Variants in SLC2A12 observed in about 807,000 individuals in gnomAD.
The protein encoded by SLC2A12 is solute carrier family 2, facilitated glucose transporter member 12.
In SLC2A12, 23 loss-of-function variants were observed where a neutral mutation model predicts 41.8. The observed-to-expected ratio is 0.55, with a 90% CI of 0.40 to 0.78. The LOEUF (loss-of-function observed/expected upper bound fraction) is 0.78, where lower values mean the gene tolerates loss of function less well. Among genes scored for constraint, SLC2A12 ranks in the 30% least tolerant of loss-of-function variants. The pLI, the probability that SLC2A12 is intolerant of heterozygous loss-of-function variation, is 0.00. For missense variants in SLC2A12, 654 were observed against 745.6 expected, an observed-to-expected ratio of 0.88 and a Z score of 1.43; for synonymous variants, 295 against 285.9, an observed-to-expected ratio of 1.03 and a Z score of -0.32.
intron 1 of SLC2A12, among the ~76,000 whole-genome samples, chr6:134,036,164 G>A (rs1424688226): frequency 6.6e-6 from 1 of 152,174 alleles, no homozygotes; most frequent in Non-Finnish European, 1.5e-5. Flanking sequence ...CACACAGGTG[G>A]TTTCTTTTTT....
chr6:134,038,654 C>T (rs1777338413), intron 1 of SLC2A12, among the ~76,000 whole-genome samples: 1 of 149,222 alleles, frequency 6.7e-6, no homozygotes, highest in Non-Finnish European at 1.5e-5. Flanking sequence ...AGCCACCGCA[C>T]CTGGCTTCTT....
rs560559673 is a variant in SLC2A12, at chr6:134,024,004, A to G, written c.1444+4377T>C. Among the ~76,000 whole-genome samples, 13 of 152,334 alleles carry G rather than the reference A, an allele frequency of 8.5e-5. No individual in the cohort carries two copies. The South Asian group carries it at 1.0e-3, about 12-fold the overall frequency. Reference sequence around the variant, plus strand: ...TGATTTGGAAGGCCAAAGTGACCCTACAGTGCTGTGCTTGAGGCATTGGTG... The same window carrying G: ...TGATTTGGAAGGCCAAAGTGACCCTGCAGTGCTGTGCTTGAGGCATTGGTG... On this transcript the variant is annotated intron_variant, in intron 2 of 4. Transcript: ENST00000275230.
chr6:134,020,720 T>C (rs1777029326), intron 2 of SLC2A12, among the ~76,000 whole-genome samples: 1 of 152,210 alleles, frequency 6.6e-6, no homozygotes, highest in Non-Finnish European at 1.5e-5. Context: ...GATTCCTGCC[T>C]CTGACAGCAT....
chr6:134,029,863 C>T (rs569303009), intron 1 of SLC2A12, 142 bp from the exon 2 acceptor site: 2 of 1,086,684 alleles, frequency 1.8e-6, no homozygotes, highest in East Asian at 2.6e-5. Context: ...AAATAATACA[C>T]TAACCAAAAA....
At chr6:134,019,670 G>C (rs533671813) in intron 2 of SLC2A12, among the ~76,000 whole-genome samples, 1 of 152,110 alleles carries the variant, frequency 6.6e-6, no homozygotes, top group African/African-American at 2.4e-5. Flanking sequence ...GAACCTCTTC[G>C]GTAGGCTGGT....
chr6:133,988,775 G>A lies in SLC2A12; in HGVS notation c.*2380C>T, dbSNP rs1390331954. The A allele has an allele frequency of 4.0e-5, 6 of 151,574 alleles. No individual in the cohort carries two copies. The highest frequency in any genetic ancestry group is 1.5e-4 in the African/African-American group (6 of 41,212). The allele number at this position is 151,574 out of a possible 1,614,324, so 9.4% of individuals were successfully genotyped here. A position where few individuals can be genotyped will look rare whatever the true frequency, so the allele number is the denominator to read the frequency against. ...TTTCCTTTATTTTAAGATTCAGTAG[G>A]ATAGCCAAATTCATAGAGAATAAAA... On this transcript the variant is annotated 3_prime_UTR_variant, in exon 5 of 5. Transcript: ENST00000275230.
intron 1 of SLC2A12, among the ~76,000 whole-genome samples, chr6:134,030,396 A>G (rs1777187076): frequency 6.6e-6 from 1 of 152,166 alleles, no homozygotes; most frequent in East Asian, 1.9e-4. Context: ...AGTGTAAGGA[A>G]CCAGCAATAT....
At chr6:133,993,733 T>G (rs1182832106) in intron 4 of SLC2A12, among the ~76,000 whole-genome samples, 1 of 152,056 alleles carries the variant, frequency 6.6e-6, no homozygotes, top group African/African-American at 2.4e-5. Flanking sequence ...GAAAAGTCTG[T>G]TGGAGGTGAA....
chr6:134,002,058 T>C lies in SLC2A12; in HGVS notation c.1639A>G (p.Met547Val), dbSNP rs756725448. 1.2e-6 allele frequency: 2 copies of C among 1,603,402 alleles called. No homozygotes were observed. Among genetic ancestry groups the C allele is most frequent in the East Asian group, 2.3e-5 (1 of 44,320 alleles). Reference protein sequence around the residue: ...MSLASLLFVVMFIPETKGCSL... With the variant: ...MSLASLLFVVVFIPETKGCSL... Reference sequence around the variant, plus strand: ...CATCCCTTTGTCTCAGGTATAAACATAACAACAAAAAGCAGGGATGCTAGA... The same window carrying C: ...CATCCCTTTGTCTCAGGTATAAACACAACAACAAAAAGCAGGGATGCTAGA... The change falls in exon 4 of 5, where the codon ATG becomes GTG. Residue 547 changes from methionine to valine, a missense_variant. By Grantham distance (21) the Met-to-Val change is conservative. Around this residue, in one of 3 missense-constraint regions of SLC2A12, gnomAD observed 134 missense variants for 180.5 expected, o/e 0.74. Transcript: ENST00000275230.
At chr6:134,034,537 A>G (rs1777266181) in intron 1 of SLC2A12, among the ~76,000 whole-genome samples, 1 of 152,166 alleles carries the variant, frequency 6.6e-6, no homozygotes, top group Admixed American at 6.5e-5. Flanking sequence ...TTACAAAGAG[A>G]GGCATAAGGA....
At chr6:134,015,946 T>G (rs369376685) in intron 2 of SLC2A12, among the ~76,000 whole-genome samples, 15 of 152,234 alleles carry the variant, frequency 9.9e-5, no homozygotes, top group African/African-American at 3.1e-4. Context: ...TTCAGCTCCA[T>G]AAAACCAAAC....
Position 134,006,850 on chromosome 6 carries a change from A to G in SLC2A12, c.1529T>C (p.Ile510Thr). The G allele has an allele frequency of 1.2e-6, 2 of 1,614,178 alleles. No individual in the cohort carries two copies. The highest frequency in any genetic ancestry group is 1.7e-6 in the Non-Finnish European group (2 of 1,180,022). The change falls in exon 3 of 5, where the codon ATC becomes ACC. Residue 510 changes from isoleucine (I) to threonine (T), a missense_variant. Ile to Thr is a moderately conservative substitution (Grantham distance 89). This residue lies in a region of SLC2A12 where 134 missense variants were observed against 180.5 expected (regional missense o/e 0.74). Transcript: ENST00000275230. ...AAATGTCAGCGAGATGAGGAGATTG[A>G]TGCCCCAGTTCATGCTAGAAGTTAA... ...MALTSSMNWGINLLISLTFLT... is the reference protein window; with the variant it reads ...MALTSSMNWGTNLLISLTFLT...
chr6:134,041,233 A>G (rs1777377239), intron 1 of SLC2A12, among the ~76,000 whole-genome samples: 1 of 152,170 alleles, frequency 6.6e-6, no homozygotes, highest in Non-Finnish European at 1.5e-5. Context: ...TCTTAACACT[A>G]GTTTCATATT....
chr6:134,042,547 G>GAAA (rs563614759), intron 1 of SLC2A12, among the ~76,000 whole-genome samples: 6 of 135,364 alleles, frequency 4.4e-5, no homozygotes, highest in African/African-American at 1.3e-4. Context: ...CCCAGAAATA[G>GAAA]AAAAAAAAAA....
chr6:134,010,313 C>G (rs775847026), intron 2 of SLC2A12, among the ~76,000 whole-genome samples: 4 of 152,192 alleles, frequency 2.6e-5, no homozygotes, highest in African/African-American at 9.7e-5. Flanking sequence ...AGTAGTGGCT[C>G]TCTCTGGGAA....
At chr6:134,000,577 C>A (rs893912451) in intron 4 of SLC2A12, among the ~76,000 whole-genome samples, 1 of 152,084 alleles carries the variant, frequency 6.6e-6, no homozygotes, top group African/African-American at 2.4e-5. Context: ...ATATTAAAAC[C>A]CAACAATAAG....
intron 4 of SLC2A12, among the ~76,000 whole-genome samples, chr6:134,000,907 T>A (rs1415276139): frequency 6.6e-6 from 1 of 151,708 alleles, no homozygotes; most frequent in Admixed American, 6.6e-5. Context: ...AGCCTGAGAG[T>A]TTTTCTGCTA....
intron 1 of SLC2A12, among the ~76,000 whole-genome samples, chr6:134,040,103 G>A (rs1777362951): frequency 6.7e-6 from 1 of 149,766 alleles, no homozygotes; most frequent in Non-Finnish European, 1.5e-5. Context: ...TTGAGACAGG[G>A]TCTCACTCTG....
intron 1 of SLC2A12, among the ~76,000 whole-genome samples, chr6:134,037,964 C>T (rs1028433571): frequency 7.9e-5 from 12 of 152,164 alleles, no homozygotes; most frequent in African/African-American, 2.9e-4. Flanking sequence ...ATGGCCATGC[C>T]TGTATTGACA....
Sources: allele counts gnomAD v4.1 joint callset (sites outside exome capture counted in the v4.1 genomes callset), GRCh38; gene constraint gnomAD v4.1.1; regional missense constraint gnomAD v4.1.1; transcripts MANE v1.5; gene names NCBI Gene and HGNC (gene_info 2026-07-23, HGNC 2026-07-21).